Variants in STX18 observed in about 807,000 individuals in gnomAD.
The protein encoded by STX18 is syntaxin 18, also known as syntaxin-18.
In STX18, 40 loss-of-function variants were observed where a neutral mutation model predicts 50.1. The observed-to-expected ratio is 0.80, with a 90% confidence interval of 0.62 to 1.04. The LOEUF (loss-of-function observed/expected upper bound fraction) is 1.04. Among genes scored for constraint, STX18 ranks in the 50% least tolerant of loss-of-function variants. The pLI is 0.00. For synonymous variants in STX18, 158 were observed against 151.8 expected, an observed-to-expected ratio of 1.04 and a Z score of -0.30; for missense variants, 410 against 415.8, an observed-to-expected ratio of 0.99 and a Z score of 0.12.
At position 4,423,381 on chromosome 4, in the gene STX18, G is replaced by GCA. The variant is rs1725067205; in HGVS notation, c.831+135_831+136dup. The GCA allele has an allele frequency of 3.7e-6, 3 of 820,558 alleles. No individual in the cohort carries two copies. The East Asian group carries it at 7.9e-5, about 22-fold the overall frequency. The allele number at this position is 820,558 out of a possible 1,614,324, so 50.8% of individuals were successfully genotyped here. ...AGAGCTTTTCCCTGAGGAGCTCTGC[G>GCA]CACACACACCTGCTAGCAACACATG... On this transcript the variant is annotated intron_variant, in intron 9 of 10. Transcript: ENST00000306200.
intron 1 of STX18, among the ~76,000 whole-genome samples, chr4:4,523,062 C>T (rs1309923306): frequency 6.6e-6 from 1 of 152,156 alleles, no homozygotes. Context: ...TACTTTATTC[C>T]CATTACATAG....
intron 1 of STX18, 43 bp from the exon 2 acceptor site, chr4:4,471,749 A>G (rs773243834): frequency 8.3e-6 from 11 of 1,326,912 alleles, no homozygotes; most frequent in Non-Finnish European, 1.0e-5. Context: ...TAGATATGTT[A>G]CACTCATGTA....
intron 1 of STX18, among the ~76,000 whole-genome samples, chr4:4,482,192 C>T (rs961510464): frequency 6.6e-6 from 1 of 152,168 alleles, no homozygotes; most frequent in African/African-American, 2.4e-5. Flanking sequence ...TAAGTTCAGC[C>T]CTTGGCTCTT....
intron 2 of STX18, among the ~76,000 whole-genome samples, chr4:4,467,489 A>G (rs1488337828): frequency 6.6e-6 from 1 of 152,112 alleles, no homozygotes; most frequent in Non-Finnish European, 1.5e-5. Flanking sequence ...AGAGGAAGCC[A>G]CAGTAGGTGG....
intron 1 of STX18, among the ~76,000 whole-genome samples, chr4:4,531,872 C>A (rs943785065): frequency 6.6e-5 from 10 of 152,166 alleles, no homozygotes; most frequent in Non-Finnish European, 1.3e-4. Context: ...AAACAAACTA[C>A]ATTTTTTGTC....
At chr4:4,485,846 C>A (rs1728677268) in intron 1 of STX18, among the ~76,000 whole-genome samples, 1 of 152,208 alleles carries the variant, frequency 6.6e-6, no homozygotes, top group African/African-American at 2.4e-5. Context: ...GCTCCCAAAG[C>A]TCTCCTTTTT....
intron 1 of STX18, among the ~76,000 whole-genome samples, chr4:4,533,862 A>G (rs1426291215): frequency 6.6e-6 from 1 of 152,228 alleles, no homozygotes; most frequent in African/African-American, 2.4e-5. Context: ...CATGGAATGC[A>G]GGAGAAAATG....
At chr4:4,491,424 T>A (rs1728937143) in intron 1 of STX18, among the ~76,000 whole-genome samples, 1 of 152,146 alleles carries the variant, frequency 6.6e-6, no homozygotes, top group African/African-American at 2.4e-5. Flanking sequence ...GGAAAAAGGA[T>A]ATATATTAAT....
rs1727536175 is a variant in STX18 at position 4,464,736 on chromosome 4, G to A, written c.237-5249C>T. Among the ~76,000 whole-genome samples the A allele has an allele frequency of 3.9e-5, 6 of 152,292 alleles. No individual in the cohort carries two copies. The South Asian group carries it at 1.2e-3, about 32-fold the overall frequency. On this transcript the variant is annotated intron_variant, in intron 2 of 10. Coordinates refer to ENST00000306200, the MANE Select transcript of STX18 (RefSeq NM_016930.4). ...TTGATTTCCATGCAGTTGTATACCT[G>A]TGGGGTCAGTGGTGACATCCCTCTT...
At chr4:4,526,719 C>T (rs536182791) in intron 1 of STX18, among the ~76,000 whole-genome samples, 24 of 152,052 alleles carry the variant, frequency 1.6e-4, no homozygotes, top group African/African-American at 5.8e-4. Flanking sequence ...TGCATAATCC[C>T]AGCTACTCAG....
intron 2 of STX18, among the ~76,000 whole-genome samples, chr4:4,461,298 C>G (rs1201821720): frequency 1.3e-5 from 2 of 152,074 alleles, no homozygotes; most frequent in Non-Finnish European, 2.9e-5. Context: ...TTTTTTCTCC[C>G]AGATTGTTTT....
At chr4:4,514,764 C>G (rs6446657) in intron 1 of STX18, among the ~76,000 whole-genome samples, 23,341 of 151,878 alleles carry the variant, frequency 0.15, 1,862 homozygotes, top group Non-Finnish European at 0.18. Flanking sequence ...CTAGGAGGGG[C>G]CTCTGGTCTG....
chr4:4,426,734 T>G (rs1270653274), intron 7 of STX18: 1 of 152,450 alleles, frequency 6.6e-6, no homozygotes, highest in African/African-American at 2.4e-5. Flanking sequence ...CCCTCACCGT[T>G]TCTCACTTGC....
At chr4:4,480,719 A>G (rs1281824394) in intron 1 of STX18, among the ~76,000 whole-genome samples, 1 of 152,188 alleles carries the variant, frequency 6.6e-6, no homozygotes, top group Non-Finnish European at 1.5e-5. Context: ...TAAACTCCAA[A>G]CATACTAAGG....
intron 1 of STX18, among the ~76,000 whole-genome samples, chr4:4,527,632 T>A (rs1004848917): frequency 3.3e-5 from 5 of 151,972 alleles, no homozygotes; most frequent in Non-Finnish European, 7.4e-5. Flanking sequence ...GCAGTCAACA[T>A]GCCACAGAGT....
Position 4,419,212 on chromosome 4 carries a change from T to G in STX18, c.*822A>C, listed in dbSNP as rs1724779226. On this transcript the variant is annotated 3_prime_UTR_variant, in exon 11 of 11. Transcript: ENST00000306200. The stretch of plus-strand genomic sequence containing the variant: ...TGTTCCTGTTTACAGTTCCTGGAGG[T>G]CAGAAGCACAGGCACGAGAGAAGCA... The G allele has an allele frequency of 6.6e-6, 1 of 152,142 alleles. No homozygotes were observed. The highest frequency in any genetic ancestry group is 1.5e-5 in the Non-Finnish European group (1 of 68,046). The allele number at this position is 152,142 out of a possible 1,614,324, so 9.4% of individuals were successfully genotyped here.
At chr4:4,440,235 G>A (rs926062235) in intron 5 of STX18, among the ~76,000 whole-genome samples, 1 of 152,204 alleles carries the variant, frequency 6.6e-6, no homozygotes, top group African/African-American at 2.4e-5. Context: ...GCATATTAGG[G>A]TGATATTACT....
At chr4:4,472,450 T>C (rs533807666) in intron 1 of STX18, among the ~76,000 whole-genome samples, 14 of 152,362 alleles carry the variant, frequency 9.2e-5, no homozygotes, top group African/African-American at 2.6e-4. Context: ...GCTGGTCCTC[T>C]GACGACGTCT....
chr4:4,539,827 G>A (rs1482342603), intron 1 of STX18, among the ~76,000 whole-genome samples: 1 of 152,186 alleles, frequency 6.6e-6, no homozygotes, highest in Non-Finnish European at 1.5e-5. Flanking sequence ...CACTCAGGGA[G>A]AGGTGGAAGT....
Sources: gnomAD v4.1 joint callset for allele counts (sites outside exome capture counted in the v4.1 genomes callset) on GRCh38, gnomAD v4.1.1 for gene constraint, MANE v1.5 for transcripts, NCBI Gene and HGNC (gene_info 2026-07-23, HGNC 2026-07-21) for gene names.